Variants in KPNA5 observed in about 807,000 individuals in gnomAD.
KPNA5 encodes importin subunit alpha-6.
Under a neutral mutation model 71.3 loss-of-function variants are expected in KPNA5, and 46 were observed. That is an observed-to-expected ratio of 0.65 (90% CI 0.51 to 0.83). KPNA5 has a LOEUF of 0.83. Ranked by LOEUF, KPNA5 falls within the 40% of genes least tolerant of loss-of-function variation. KPNA5 has a pLI of 0.00. For missense variants in KPNA5, 547 were observed against 628.3 expected (o/e 0.87, Z 1.38); for synonymous variants, 207 against 201.4 (o/e 1.03, Z -0.24).
rs1035709975 is a variant in KPNA5 at position 116,732,334 on chromosome 6, G to A, written c.*11G>A. Reference sequence around the variant, plus strand: ...GGATTTCAACTTTAACTTACTGGAGGAAAAAAAATTTATGGCTAAAAAGGG... The same window carrying A: ...GGATTTCAACTTTAACTTACTGGAGAAAAAAAAATTTATGGCTAAAAAGGG... On this transcript the variant is annotated 3_prime_UTR_variant, in exon 14 of 14. Transcript: ENST00000368564. 3 of 1,456,234 alleles carry A rather than the reference G, an allele frequency of 2.1e-6. No homozygotes were observed. Among genetic ancestry groups the A allele is most frequent in the African/African-American group, 2.9e-5 (2 of 68,544 alleles). The allele number at this position is 1,456,234 out of a possible 1,614,324, so 90.2% of individuals were successfully genotyped here. A position where few individuals can be genotyped will look rare whatever the true frequency, so the allele number is the denominator to read the frequency against.
chr6:116,709,624 A>G (rs774618903), intron 7 of KPNA5, among the ~76,000 whole-genome samples: 16 of 152,120 alleles, frequency 1.1e-4, no homozygotes, highest in Non-Finnish European at 1.9e-4. Context: ...CTTCCATTAC[A>G]ATGTTATTTA....
chr6:116,690,279 C>G (rs570985478), intron 2 of KPNA5, among the ~76,000 whole-genome samples: 1 of 152,292 alleles, frequency 6.6e-6, no homozygotes, highest in African/African-American at 2.4e-5. Context: ...TCTACAGCGT[C>G]TAACACAATC....
chr6:116,724,214 C>T lies in KPNA5; in HGVS notation c.921-83C>T, dbSNP rs79185456. ...ATGGGATCTTTGGCTGAACACCCCG[C>T]AGGAGTTTGTAGTATTTTTGTAACT... On this transcript the variant is annotated intron_variant, in intron 9 of 13. Coordinates refer to ENST00000368564, the MANE Select transcript of KPNA5 (RefSeq NM_001366306.2). The T allele has an allele frequency of 1.3e-5, 11 of 815,712 alleles. No homozygotes were observed. In the East Asian group the frequency reaches 2.9e-4, roughly 21 times the overall value. The allele number at this position is 815,712 out of a possible 1,614,324, so 50.5% of individuals were successfully genotyped here.
At chr6:116,693,818 A>G (rs375587333) in intron 4 of KPNA5, among the ~76,000 whole-genome samples, 7,454 of 151,596 alleles carry the variant, frequency 0.049, 279 homozygotes, top group African/African-American at 0.16. Flanking sequence ...GCCCATGCCT[A>G]TGTCCTGAAT....
chr6:116,741,211 T>TTCTA lies in KPNA5; in HGVS notation c.*8889_*8892dup. 6.6e-6 allele frequency: 1 copy of TTCTA among 152,244 alleles called. No individual in the cohort carries two copies. The highest frequency in any genetic ancestry group is 1.5e-5 in the Non-Finnish European group (1 of 68,004). The allele number at this position is 152,244 out of a possible 1,614,324, so 9.4% of individuals were successfully genotyped here. ...ATACTAGTCTGCTTAATTCATCAGT[T>TTCTA]TCTAACTCGCCAGTTTCTAAGAGAG... On this transcript the variant is annotated 3_prime_UTR_variant, in exon 14 of 14. Coordinates refer to ENST00000368564, the MANE Select transcript of KPNA5 (RefSeq NM_001366306.2).
At chr6:116,707,481 C>T (rs1395036465) in intron 7 of KPNA5, among the ~76,000 whole-genome samples, 4 of 152,166 alleles carry the variant, frequency 2.6e-5, no homozygotes, top group African/African-American at 9.7e-5. Flanking sequence ...TCTCTCAGGT[C>T]AAATCTGGCT....
At chr6:116,685,859 C>T (rs1313814539) in intron 1 of KPNA5, among the ~76,000 whole-genome samples, 3 of 152,100 alleles carry the variant, frequency 2.0e-5, no homozygotes, top group African/African-American at 7.2e-5. Context: ...TGAGGAATTG[C>T]CACACTGCTT....
chr6:116,714,449 A>G (rs908344710), intron 7 of KPNA5, among the ~76,000 whole-genome samples: 6 of 152,224 alleles, frequency 3.9e-5, no homozygotes, highest in African/African-American at 7.2e-5. Context: ...GATTACAGCT[A>G]TGACTTAGCA....
At chr6:116,731,602 T>G (rs981943258) in intron 13 of KPNA5, among the ~76,000 whole-genome samples, 1 of 152,188 alleles carries the variant, frequency 6.6e-6, no homozygotes, top group African/African-American at 2.4e-5. Context: ...TCAGTTTCAA[T>G]TGTAGATTGT....
intron 6 of KPNA5, 72 bp downstream of exon 6, chr6:116,702,222 G>A (rs542772243): frequency 2.1e-6 from 3 of 1,455,582 alleles, no homozygotes; most frequent in African/African-American, 1.4e-5. Flanking sequence ...TTGTAATTAC[G>A]ATGTGTAATT....
At chr6:116,688,680 A>G (rs148870180) in intron 1 of KPNA5, among the ~76,000 whole-genome samples, 3 of 152,288 alleles carry the variant, frequency 2.0e-5, no homozygotes, top group East Asian at 1.9e-4. Context: ...TACATTTGCA[A>G]TAAAACTACT....
Position 116,737,998 on chromosome 6 carries a change from C to T in KPNA5, c.*5675C>T, listed in dbSNP as rs1342388751. ...TTAATTTGGGAAGGCTAAAAATTTA[C>T]CTTGAAGTACCATTTCAGCTGCATT... On this transcript the variant is annotated 3_prime_UTR_variant, in exon 14 of 14. Transcript: ENST00000368564. The T allele has an allele frequency of 3.9e-5, 6 of 151,930 alleles. No individual in the cohort carries two copies. In the East Asian group the frequency reaches 1.2e-3, roughly 29 times the overall value. 9.4% of individuals were successfully genotyped at this position (151,930 alleles called of 1,614,324 possible). A position where few individuals can be genotyped will look rare whatever the true frequency, so the allele number is the denominator to read the frequency against.
rs1405760643 is a variant in KPNA5 at position 116,738,123 on chromosome 6, AAG to A, written c.*5806_*5807del. ...CGTTAGCAAGACTAATAAAGAAGAA[AAG>A]AGAGAAGAATCAAATAGACGCAATA... On this transcript the variant is annotated 3_prime_UTR_variant, in exon 14 of 14. Coordinates refer to ENST00000368564, the MANE Select transcript of KPNA5 (RefSeq NM_001366306.2). 1.3e-5 allele frequency: 2 copies of A among 152,256 alleles called. No individual in the cohort carries two copies. The highest frequency in any genetic ancestry group is 4.8e-5 in the African/African-American group (2 of 41,570). The allele number at this position is 152,256 out of a possible 1,614,324, so 9.4% of individuals were successfully genotyped here.
intron 6 of KPNA5, 136 bp from the exon 7 acceptor site, chr6:116,704,936 A>C: frequency 1.7e-6 from 1 of 603,412 alleles, no homozygotes; most frequent in Non-Finnish European, 2.8e-6. Flanking sequence ...TTGAATTTTA[A>C]AAGTTTTTCT....
intron 7 of KPNA5, among the ~76,000 whole-genome samples, chr6:116,711,438 G>T (rs766753614): frequency 1.3e-5 from 2 of 150,214 alleles, no homozygotes; most frequent in Non-Finnish European, 3.0e-5. Flanking sequence ...TTCATATGGG[G>T]TGTTAACAAC....
In KPNA5 at chr6:116,741,789, A is replaced by G. The variant is rs957164725; in HGVS notation, c.*9466A>G. 2 of 152,192 alleles carry G rather than the reference A, an allele frequency of 1.3e-5. No individual in the cohort carries two copies. The highest frequency in any genetic ancestry group is 2.9e-5 in the Non-Finnish European group (2 of 68,004). 9.4% of individuals were successfully genotyped at this position (152,192 alleles called of 1,614,324 possible). On this transcript the variant is annotated 3_prime_UTR_variant, in exon 14 of 14. Transcript: ENST00000368564. The stretch of plus-strand genomic sequence containing the variant: ...AATGATTTAACTGAAGGGAAGCAAG[A>G]TTTTTTTAAAGCATTGTTCTTAATC...
intron 9 of KPNA5, among the ~76,000 whole-genome samples, chr6:116,723,536 T>C (rs1395162793): frequency 6.6e-6 from 1 of 152,134 alleles, no homozygotes; most frequent in Non-Finnish European, 1.5e-5. Context: ...TGGACAGATG[T>C]CAAAAGAACA....
intron 6 of KPNA5, among the ~76,000 whole-genome samples, chr6:116,703,135 A>T (rs1778291758): frequency 6.6e-6 from 1 of 152,084 alleles, no homozygotes; most frequent in Non-Finnish European, 1.5e-5. Context: ...CAATTGTTGT[A>T]CATTTGGATT....
At chr6:116,715,639 C>T (rs192481604) in intron 7 of KPNA5, among the ~76,000 whole-genome samples, 155 of 152,110 alleles carry the variant, frequency 1.0e-3, no homozygotes, top group East Asian at 3.5e-3. Context: ...TTAATCTGGC[C>T]GGGAGTGGTG....
Sources: allele counts gnomAD v4.1 joint callset (sites outside exome capture counted in the v4.1 genomes callset), GRCh38; gene constraint gnomAD v4.1.1; transcripts MANE v1.5; gene names NCBI Gene and HGNC (gene_info 2026-07-23, HGNC 2026-07-21).